Variants in INPP5A observed in about 807,000 individuals in gnomAD.
The protein encoded by INPP5A is inositol polyphosphate-5-phosphatase A.
INPP5A carries 14 observed loss-of-function variants against 65.2 expected under a neutral mutation model. The observed-to-expected ratio is 0.21, with a 90% CI of 0.14 to 0.34. INPP5A has a LOEUF of 0.34. INPP5A is among the 10% of genes least tolerant of loss of function. The pLI, the probability that INPP5A is intolerant of heterozygous loss-of-function variation, is 1.00. For missense variants in INPP5A, 431 were observed against 545.6 expected (o/e 0.79, Z 2.09); for synonymous variants, 207 against 208.3 (o/e 0.99, Z 0.05).
intron 2 of INPP5A, among the ~76,000 whole-genome samples, chr10:132,610,202 AG>A (rs1429974732): frequency 6.6e-6 from 1 of 152,014 alleles, no homozygotes; most frequent in Non-Finnish European, 1.5e-5. Flanking sequence ...TGCCTCATGG[AG>A]GGGCACGTGA....
At chr10:132,775,686 C>G (rs1385748638) in intron 12 of INPP5A, among the ~76,000 whole-genome samples, 1 of 152,172 alleles carries the variant, frequency 6.6e-6, no homozygotes, top group East Asian at 1.9e-4. Flanking sequence ...CTTCCTGGAG[C>G]AGATGGGCTG....
At chr10:132,612,373 C>T (rs1038788407) in intron 2 of INPP5A, among the ~76,000 whole-genome samples, 2 of 151,566 alleles carry the variant, frequency 1.3e-5, no homozygotes, top group Admixed American at 1.3e-4. Flanking sequence ...GTGAGCCTCT[C>T]TTTCCCATTT....
intron 9 of INPP5A, among the ~76,000 whole-genome samples, chr10:132,735,920 C>A (rs755176192): frequency 6.6e-6 from 1 of 152,174 alleles, no homozygotes; most frequent in African/African-American, 2.4e-5. Context: ...GGGATTGGAT[C>A]CGGGAGTCCT....
At chr10:132,701,949 G>A (rs576524695) in intron 6 of INPP5A, among the ~76,000 whole-genome samples, 1 of 152,348 alleles carries the variant, frequency 6.6e-6, no homozygotes, top group Admixed American at 6.5e-5. Context: ...GTGCTGGTGG[G>A]GCCACCGAAG....
intron 1 of INPP5A, among the ~76,000 whole-genome samples, chr10:132,548,308 T>C (rs2071004963): frequency 6.6e-6 from 1 of 152,076 alleles, no homozygotes. Context: ...CGGCCACATA[T>C]GCCATGCTCA....
chr10:132,703,635 C>T (rs1374776535), intron 6 of INPP5A, among the ~76,000 whole-genome samples: 5 of 125,884 alleles, frequency 4.0e-5, no homozygotes, highest in Admixed American at 1.6e-4. Flanking sequence ...CCAACACACG[C>T]GCACCTTCAT....
intron 1 of INPP5A, among the ~76,000 whole-genome samples, chr10:132,571,108 C>T (rs1369445459): frequency 6.6e-6 from 1 of 152,270 alleles, no homozygotes; most frequent in Non-Finnish European, 1.5e-5. Flanking sequence ...GCTGGGCCCT[C>T]CTCACCGTGG....
chr10:132,550,090 C>G lies in INPP5A; in HGVS notation c.75+11919C>G, dbSNP rs1000872380. ...ACCGGGCATTAGGGGATGGGGTCAG[C>G]CTCGAGTTACTAACCGGGCATTAGG... On this transcript the variant is annotated intron_variant, in intron 1 of 15. Coordinates refer to ENST00000368594, the MANE Select transcript of INPP5A (RefSeq NM_005539.5). This position sits in a 1 kb window ranked among gnomAD's most constrained non-coding sequence, Gnocchi z 4.2. Among the ~76,000 whole-genome samples the G allele has an allele frequency of 1.3e-5, 2 of 148,206 alleles. No individual in the cohort carries two copies. The highest frequency in any genetic ancestry group is 6.7e-5 in the Admixed American group (1 of 14,864).
intron 3 of INPP5A, among the ~76,000 whole-genome samples, chr10:132,649,088 C>T (rs1446012908): frequency 3.3e-5 from 5 of 152,124 alleles, no homozygotes; most frequent in South Asian, 2.1e-4. Context: ...CCCTGTGTTT[C>T]GGTTTGGATC....
intron 6 of INPP5A, among the ~76,000 whole-genome samples, chr10:132,708,053 A>C (rs958330104): frequency 2.0e-5 from 3 of 152,204 alleles, no homozygotes; most frequent in Non-Finnish European, 2.9e-5. Context: ...CACAGGCGGC[A>C]GGCTGGCACG....
chr10:132,646,016 G>C lies in INPP5A; in HGVS notation c.218+48G>C, dbSNP rs1564947273. On this transcript the variant is annotated intron_variant, in intron 3 of 15. Transcript: ENST00000368594. ...GTGCATGTCCACTTCCCAGGGGTGTGGGGTGCCGGCGGGGGTCTTTTCATG... is the reference window on the plus strand; with the variant it reads ...GTGCATGTCCACTTCCCAGGGGTGTCGGGTGCCGGCGGGGGTCTTTTCATG... 2.2e-6 allele frequency: 3 copies of C among 1,347,496 alleles called. No individual in the cohort carries two copies. In the South Asian group the frequency reaches 3.6e-5, roughly 16 times the overall value. 83.5% of individuals were successfully genotyped at this position (1,347,496 alleles called of 1,614,324 possible).
At chr10:132,556,560 A>G (rs2071129543) in intron 1 of INPP5A, among the ~76,000 whole-genome samples, 1 of 152,114 alleles carries the variant, frequency 6.6e-6, no homozygotes, top group South Asian at 2.1e-4. Context: ...CACAACATAC[A>G]TATACATACA....
intron 1 of INPP5A, among the ~76,000 whole-genome samples, chr10:132,571,000 C>G (rs2071334596): frequency 6.6e-6 from 1 of 152,244 alleles, no homozygotes; most frequent in African/African-American, 2.4e-5. Context: ...ACTCCCTCCC[C>G]ACCACAGCCT....
At chr10:132,596,917 G>A (rs2071702884) in intron 1 of INPP5A, among the ~76,000 whole-genome samples, 1 of 84,574 alleles carries the variant, frequency 1.2e-5, no homozygotes, top group Non-Finnish European at 2.8e-5. Context: ...ATGTGTGCAT[G>A]TGTGCGCGCA....
At position 132,597,128 on chromosome 10, in the gene INPP5A, C is replaced by T. The variant is rs549520577; in HGVS notation, c.76-10787C>T. ...GCATGTGTGTGCATGGGTATGTGCA[C>T]GTGTGCATGTGTGCATGCATGTGTG... is the stretch of plus-strand genomic sequence containing the variant. On this transcript the variant is annotated intron_variant, in intron 1 of 15. Transcript: ENST00000368594. Among the ~76,000 whole-genome samples the T allele has an allele frequency of 9.1e-5, 13 of 142,344 alleles. No individual in the cohort carries two copies. In the South Asian group the frequency reaches 2.3e-3, roughly 25 times the overall value. 93.4% of individuals were successfully genotyped at this position (142,344 alleles called of 152,430 possible). A position where few individuals can be genotyped will look rare whatever the true frequency, so the allele number is the denominator to read the frequency against.
At chr10:132,591,841 G>A (rs774393887) in intron 1 of INPP5A, among the ~76,000 whole-genome samples, 2 of 152,250 alleles carry the variant, frequency 1.3e-5, no homozygotes, top group African/African-American at 2.4e-5. Flanking sequence ...TCCCTCCCCC[G>A]ATATGTCAGG....
At position 132,674,670 on chromosome 10, in the gene INPP5A, T is replaced by G. The variant is rs919262321; in HGVS notation, c.307-15722T>G. Among the ~76,000 whole-genome samples the G allele has an allele frequency of 1.3e-5, 2 of 152,176 alleles. No homozygotes were observed. The highest frequency in any genetic ancestry group is 2.9e-5 in the Non-Finnish European group (2 of 68,040). The stretch of plus-strand genomic sequence containing the variant: ...CAATCACATACATGCCACTTCCATT[T>G]GATGATGGAATGCTGCTGTGCATGA... On this transcript the variant is annotated intron_variant, in intron 4 of 15. Coordinates refer to ENST00000368594, the MANE Select transcript of INPP5A (RefSeq NM_005539.5). This position sits in a 1 kb window ranked among gnomAD's most constrained non-coding sequence, Gnocchi z 4.4.
intron 2 of INPP5A, among the ~76,000 whole-genome samples, chr10:132,630,815 A>G (rs1257697831): frequency 6.6e-6 from 1 of 151,572 alleles, no homozygotes; most frequent in Non-Finnish European, 1.5e-5. Flanking sequence ...GCGGCGGGGG[A>G]CGTGCTTCTT....
chr10:132,766,427 A>G (rs1422582347), intron 12 of INPP5A, among the ~76,000 whole-genome samples: 2 of 152,104 alleles, frequency 1.3e-5, no homozygotes. Flanking sequence ...CAGTGTGTCT[A>G]TGTGGGTGTG....
Sources: allele counts gnomAD v4.1 joint callset (sites outside exome capture counted in the v4.1 genomes callset), GRCh38; gene constraint gnomAD v4.1.1; non-coding constraint Gnocchi (gnomAD v3.1); transcripts MANE v1.5; gene names NCBI Gene and HGNC (gene_info 2026-07-23, HGNC 2026-07-21).